AP3B2: variants seen among roughly 807,000 people sequenced by gnomAD.
AP3B2 encodes AP-3 complex subunit beta-2.
Under a neutral mutation model 126.9 loss-of-function variants are expected in AP3B2, and 50 were observed. That is an observed-to-expected ratio of 0.39 (90% confidence interval 0.31 to 0.50). The LOEUF is 0.50. AP3B2 is among the 20% of genes least tolerant of loss of function. The pLI is 0.79. For synonymous variants in AP3B2, 541 were observed against 565.0 expected (o/e 0.96, Z 0.60); for missense variants, 1,177 against 1,426.4 (o/e 0.83, Z 2.82).
chr15:82,667,833 T>C (rs1450692657), intron 14 of AP3B2, among the ~76,000 whole-genome samples: 1 of 152,184 alleles, frequency 6.6e-6, no homozygotes, highest in Non-Finnish European at 1.5e-5. Context: ...GGCCTGCATC[T>C]GCTGGAGCTG....
chr15:82,669,732 T>G (rs2048116481), intron 14 of AP3B2, among the ~76,000 whole-genome samples: 1 of 149,752 alleles, frequency 6.7e-6, no homozygotes, highest in African/African-American at 2.5e-5. Flanking sequence ...GCACAGTGGC[T>G]CACACCTGTA....
At chr15:82,689,943 A>T (rs1460496977) in intron 1 of AP3B2, 1 of 154,690 alleles carries the variant, frequency 6.5e-6, no homozygotes, top group Non-Finnish European at 1.4e-5. Flanking sequence ...GTCTACAAAA[A>T]ATAGATTAAA....
chr15:82,663,046 C>T (rs2047981877), intron 22 of AP3B2, 81 bp downstream of exon 22: 5 of 1,490,322 alleles, frequency 3.4e-6, no homozygotes, highest in South Asian at 2.4e-5. Flanking sequence ...CACACCCACC[C>T]CCCACACACA....
chr15:82,701,518 A>T (rs1433846954), intron 1 of AP3B2, among the ~76,000 whole-genome samples: 4 of 152,250 alleles, frequency 2.6e-5, no homozygotes, highest in Non-Finnish European at 4.4e-5. Flanking sequence ...CTTGAAAGCA[A>T]AATTTCCATT....
In AP3B2 at chr15:82,664,540, G is replaced by T. The variant is rs1480375249; in HGVS notation, c.2138-50C>A. ...CCTCCCTCATATGCAGGCCTCCTTG[G>T]GTCTGGAGCAGACACCTGGGTTCCA... On this transcript the variant is annotated intron_variant, in intron 18 of 26. Coordinates refer to ENST00000535359, the MANE Select transcript of AP3B2 (RefSeq NM_001278512.2). The surrounding 1 kb of genome is among the most constrained non-coding windows in gnomAD (Gnocchi z 4.5). 3 of 1,575,100 alleles carry T rather than the reference G, an allele frequency of 1.9e-6. No individual in the cohort carries two copies. In the South Asian group the frequency reaches 3.5e-5, roughly 18 times the overall value.
At position 82,681,787 on chromosome 15, in the gene AP3B2, T is replaced by C. The variant is rs754231005; in HGVS notation, c.361-207A>G. ...TGCAGAAATCTGACACCTGAACAGG[T>C]GTTGCAATGGGTAGCTTCACTTCCA... On this transcript the variant is annotated intron_variant, in intron 4 of 26. Transcript: ENST00000535359. The surrounding 1 kb of genome is among the most constrained non-coding windows in gnomAD (Gnocchi z 4.0). Among the ~76,000 whole-genome samples the C allele has an allele frequency of 2.0e-5, 3 of 152,154 alleles. No individual in the cohort carries two copies. The highest frequency in any genetic ancestry group is 4.4e-5 in the Non-Finnish European group (3 of 68,022).
rs1490289736 is a variant in AP3B2 at position 82,680,356 on chromosome 15, T to C, written c.1055+116A>G. On this transcript the variant is annotated intron_variant, in intron 8 of 26. Transcript: ENST00000535359. This position sits in a 1 kb window ranked among gnomAD's most constrained non-coding sequence, Gnocchi z 6.1. The stretch of plus-strand genomic sequence containing the variant: ...GTGCGGAGGGCAGGACTACGGTCAG[T>C]GTGGAGCGGGTGGGCAGAGGTGGAA... The C allele has an allele frequency of 4.0e-6, 6 of 1,495,542 alleles. No homozygotes were observed. In the Admixed American group the frequency reaches 1.2e-4, roughly 30 times the overall value. 92.6% of individuals were successfully genotyped at this position (1,495,542 alleles called of 1,614,324 possible). A position where few individuals can be genotyped will look rare whatever the true frequency, so the allele number is the denominator to read the frequency against.
rs1284031593 is a variant in AP3B2, at chr15:82,659,439, C to A, written c.*121G>T. 2.9e-6 allele frequency: 4 copies of A among 1,357,444 alleles called. No homozygotes were observed. In the South Asian group the frequency reaches 5.3e-5, roughly 18 times the overall value. The allele number at this position is 1,357,444 out of a possible 1,614,324, so 84.1% of individuals were successfully genotyped here. A position where few individuals can be genotyped will look rare whatever the true frequency, so the allele number is the denominator to read the frequency against. Reference sequence around the variant, plus strand: ...GGTCCTCCAGAGGGAGAGAGGACACCCTGAATGCTATCTGGCATGAGGAGG... The same window carrying A: ...GGTCCTCCAGAGGGAGAGAGGACACACTGAATGCTATCTGGCATGAGGAGG... On this transcript the variant is annotated 3_prime_UTR_variant, in exon 27 of 27. Coordinates refer to ENST00000535359, the MANE Select transcript of AP3B2 (RefSeq NM_001278512.2).
chr15:82,702,955 CCTCT>C (rs1425203781), intron 1 of AP3B2, among the ~76,000 whole-genome samples: 2 of 152,084 alleles, frequency 1.3e-5, no homozygotes, highest in South Asian at 4.1e-4. Flanking sequence ...TCTTCTCCAA[CCTCT>C]CTCACTATCC....
intron 1 of AP3B2, chr15:82,692,208 A>G: frequency 5.3e-6 from 7 of 1,310,514 alleles, no homozygotes; most frequent in Non-Finnish European, 7.5e-6. Context: ...GGGGTCCTCA[A>G]AGCGCACCAA....
intron 12 of AP3B2, 34 bp downstream of exon 12, chr15:82,677,637 A>T (rs770125263): frequency 1.4e-5 from 21 of 1,497,454 alleles, no homozygotes; most frequent in Non-Finnish European, 1.8e-5. Flanking sequence ...ACACCCTCTG[A>T]TCATCACGGT....
intron 1 of AP3B2, among the ~76,000 whole-genome samples, chr15:82,698,419 A>G: frequency 6.6e-6 from 1 of 151,380 alleles, no homozygotes; most frequent in East Asian, 2.0e-4. Flanking sequence ...CCCTACAGAC[A>G]TATATCACAA....
chr15:82,671,231 C>G (rs1034457608), intron 14 of AP3B2, among the ~76,000 whole-genome samples: 10 of 152,038 alleles, frequency 6.6e-5, no homozygotes, highest in African/African-American at 2.2e-4. Context: ...TGCAGTGAGC[C>G]AAGATCGCAC....
chr15:82,673,227 T>C (rs540126882), intron 14 of AP3B2, among the ~76,000 whole-genome samples: 96 of 152,366 alleles, frequency 6.3e-4, no homozygotes, highest in African/African-American at 2.1e-3. Context: ...AATTTTTATT[T>C]ATTTTTGAGA....
At chr15:82,697,127 C>T (rs929609032) in intron 1 of AP3B2, among the ~76,000 whole-genome samples, 10 of 152,078 alleles carry the variant, frequency 6.6e-5, no homozygotes, top group Non-Finnish European at 4.4e-5. Context: ...GCCAGGAGAT[C>T]GAGACCATCC....
chr15:82,702,206 C>CCAATACGATTT (rs1266267253), intron 1 of AP3B2, among the ~76,000 whole-genome samples: 4 of 152,166 alleles, frequency 2.6e-5, no homozygotes, highest in Non-Finnish European at 5.9e-5. Flanking sequence ...TCGTAATATC[C>CCAATACGATTT]AGCTACCTAA....
At chr15:82,683,045 G>T (rs2048367638) in intron 4 of AP3B2, among the ~76,000 whole-genome samples, 1 of 108,660 alleles carries the variant, frequency 9.2e-6, no homozygotes, top group Non-Finnish European at 2.1e-5. Flanking sequence ...TCTGCACCAG[G>T]AGTTTTTTTT....
rs1468282344 is a variant in AP3B2, at chr15:82,664,087, AG to A, written c.2262-113del. 10 of 1,458,388 alleles carry A rather than the reference AG, an allele frequency of 6.9e-6. No homozygotes were observed. Among genetic ancestry groups the A allele is most frequent in the Non-Finnish European group, 8.1e-6 (9 of 1,105,738 alleles). The allele number at this position is 1,458,388 out of a possible 1,614,324, so 90.3% of individuals were successfully genotyped here. A position where few individuals can be genotyped will look rare whatever the true frequency, so the allele number is the denominator to read the frequency against. On this transcript the variant is annotated intron_variant, in intron 19 of 26. Coordinates refer to ENST00000535359, the MANE Select transcript of AP3B2 (RefSeq NM_001278512.2). This position sits in a 1 kb window ranked among gnomAD's most constrained non-coding sequence, Gnocchi z 4.5. ...AGTGGTGTGGGGAGCCTGAGCCAGG[AG>A]GGTTCACACCTGAGGTCCTATAGCA... is the stretch of plus-strand genomic sequence containing the variant.
At chr15:82,683,049 T>TTTTG (rs2151443382) in intron 4 of AP3B2, among the ~76,000 whole-genome samples, 1 of 66,668 alleles carries the variant, frequency 1.5e-5, no homozygotes, top group African/African-American at 1.3e-4. Flanking sequence ...CACCAGGAGT[T>TTTTG]TTTTTTTTTT....
Sources: gnomAD v4.1 joint callset for allele counts (sites outside exome capture counted in the v4.1 genomes callset) on GRCh38, gnomAD v4.1.1 for gene constraint, Gnocchi (gnomAD v3.1) non-coding constraint, MANE v1.5 for transcripts, NCBI Gene and HGNC (gene_info 2026-07-23, HGNC 2026-07-21) for gene names.